Variants in FREM1 observed in about 807,000 individuals in gnomAD.
FREM1 encodes the protein FRAS1 related extracellular matrix 1, also known as FRAS1-related extracellular matrix protein 1.
Under a neutral mutation model 210.1 loss-of-function variants are expected in FREM1, and 220 were observed. The ratio of observed to expected loss-of-function variants is 1.05; its 90% CI spans 0.94 to 1.17. FREM1 has a LOEUF of 1.17. FREM1 is among the 50% of genes most tolerant of loss of function. The pLI is 0.00. For missense variants in FREM1, 3,454 were observed against 2,675.5 expected (o/e 1.29, Z -6.42); for synonymous variants, 1,189 against 980.2 (o/e 1.21, Z -3.98).
intron 2 of FREM1, among the ~76,000 whole-genome samples, chr9:14,867,177 C>T (rs1326824718): frequency 6.6e-6 from 1 of 152,098 alleles, no homozygotes; most frequent in Admixed American, 6.6e-5. Context: ...TCCTTTCGAC[C>T]CCAGTCCCTG....
intron 1 of FREM1, among the ~76,000 whole-genome samples, chr9:14,871,223 T>C (rs1044393956): frequency 1.3e-5 from 2 of 152,208 alleles, no homozygotes; most frequent in Admixed American, 6.5e-5. Flanking sequence ...CCCTGAAGAA[T>C]CACCACACTG....
At chr9:14,760,907 C>CA (rs34933596) in intron 27 of FREM1, among the ~76,000 whole-genome samples, 126,476 of 152,062 alleles carry the variant, frequency 0.83, 52,754 homozygotes, top group East Asian at 0.89. Flanking sequence ...AAGACACAAG[C>CA]AACCTTCACT....
intron 21 of FREM1, among the ~76,000 whole-genome samples, chr9:14,794,720 C>A (rs188893335): frequency 1.3e-5 from 2 of 152,046 alleles, no homozygotes; most frequent in Non-Finnish European, 2.9e-5. Flanking sequence ...GGAGATTGGG[C>A]CGGGCGCAGT....
intron 5 of FREM1, among the ~76,000 whole-genome samples, chr9:14,856,609 G>A (rs1162407204): frequency 6.6e-6 from 1 of 152,062 alleles, no homozygotes; most frequent in Non-Finnish European, 1.5e-5. Context: ...TGAGGCAGGT[G>A]GATCACGAGG....
intron 14 of FREM1, among the ~76,000 whole-genome samples, chr9:14,817,530 G>T (rs1259347177): frequency 6.6e-6 from 1 of 152,030 alleles, no homozygotes; most frequent in Non-Finnish European, 1.5e-5. Context: ...CTAATTATAG[G>T]CCCTCCACAT....
chr9:14,789,136 C>G (rs1464639425), intron 22 of FREM1, 22 bp from the exon 23 acceptor site: 1 of 1,520,602 alleles, frequency 6.6e-7, no homozygotes, highest in Non-Finnish European at 8.9e-7. Flanking sequence ...CAGAGTTAGT[C>G]AGCTGCTCAT....
At chr9:14,885,760 G>A (rs563845881) in intron 1 of FREM1, among the ~76,000 whole-genome samples, 6 of 152,272 alleles carry the variant, frequency 3.9e-5, no homozygotes, top group East Asian at 1.9e-4. Flanking sequence ...ATACACTGTT[G>A]TGTCATGATG....
intron 4 of FREM1, among the ~76,000 whole-genome samples, chr9:14,858,494 C>T (rs529765826): frequency 5.4e-5 from 8 of 147,774 alleles, no homozygotes; most frequent in African/African-American, 2.0e-4. Flanking sequence ...GCCACCATGC[C>T]CAGCCACCCA....
At chr9:14,820,925 C>A (rs1483735783) in intron 13 of FREM1, among the ~76,000 whole-genome samples, 2 of 152,072 alleles carry the variant, frequency 1.3e-5, no homozygotes, top group African/African-American at 4.8e-5. Context: ...AATTAGTATC[C>A]CAATATGGAA....
intron 1 of FREM1, among the ~76,000 whole-genome samples, chr9:14,899,733 G>C (rs565661436): frequency 6.6e-6 from 1 of 152,286 alleles, no homozygotes; most frequent in African/African-American, 2.4e-5. Context: ...AATTTGTCTA[G>C]AGGTAGAAAC....
chr9:14,805,229 T>TA lies in FREM1; in HGVS notation c.3275-78dup, dbSNP rs550588932. On this transcript the variant is annotated intron_variant, in intron 18 of 36. Transcript: ENST00000380880. ...TATTGGTCCTTAATCCTTAACCCAA[T>TA]AATAGTCAATTTCTCAGTAATACAA... The TA allele has an allele frequency of 3.3e-3, 2,440 of 735,332 alleles. 7 individuals carry two copies. Among genetic ancestry groups the TA allele is most frequent in the Non-Finnish European group, 4.1e-3 (1,907 of 465,168 alleles). 45.6% of individuals were successfully genotyped at this position (735,332 alleles called of 1,614,324 possible). A position where few individuals can be genotyped will look rare whatever the true frequency, so the allele number is the denominator to read the frequency against.
Position 14,824,027 on chromosome 9 carries a change from G to C in FREM1, c.2167C>G (p.Gln723Glu), listed in dbSNP as rs555543153. 1 of 1,579,652 alleles carries C rather than the reference G, an allele frequency of 6.3e-7. No individual in the cohort carries two copies. Among genetic ancestry groups the C allele is most frequent in the African/African-American group, 1.3e-5 (1 of 74,506 alleles). The change falls in exon 12 of 37, where the codon CAG becomes GAG. Residue 723 changes from glutamine to glutamate, a missense_variant and splice_region_variant. Transcript: ENST00000380880. ...PTALELRSFT[Q>E]HAVNYMKVAY... The stretch of plus-strand genomic sequence containing the variant: ...AGCATTTTAGCATATCCTCATACCT[G>C]AGTGAATGACCTCAGCTCCAGGGCC...
intron 10 of FREM1, among the ~76,000 whole-genome samples, chr9:14,827,432 A>G (rs1463111808): frequency 2.0e-5 from 3 of 152,208 alleles, no homozygotes; most frequent in African/African-American, 7.2e-5. Context: ...AACTAAGCAA[A>G]CAGTTGAGCA....
At position 14,801,674 on chromosome 9, in the gene FREM1, A is replaced by G; in HGVS notation, c.3672T>C (p.Phe1224=). Residue 1224 remains phenylalanine, a synonymous_variant, in exon 20 of 37, where the codon TTT becomes TTC. Coordinates refer to ENST00000380880, the MANE Select transcript of FREM1 (RefSeq NM_001379081.2). ...TACCAGTCTTGAGGAGTTCCATGGA[A>G]AAGCTGTGAACAGGTGCATGTTTCT... ...PHQKHAPVHS[F]SMELLKTGMR... 6.2e-7 allele frequency: 1 copy of G among 1,613,368 alleles called. No homozygotes were observed. Among genetic ancestry groups the G allele is most frequent in the Non-Finnish European group, 8.5e-7 (1 of 1,179,290 alleles).
At chr9:14,758,907 T>G (rs2132235537) in intron 28 of FREM1, among the ~76,000 whole-genome samples, 1 of 152,328 alleles carries the variant, frequency 6.6e-6, no homozygotes, top group South Asian at 2.1e-4. Flanking sequence ...AGGGTGCCTG[T>G]ATTAGTATAT....
chr9:14,821,934 G>A (rs993550914), intron 13 of FREM1, among the ~76,000 whole-genome samples: 2 of 152,146 alleles, frequency 1.3e-5, no homozygotes, highest in Non-Finnish European at 2.9e-5. Context: ...GTTTGGCCAT[G>A]TCCCTACCCA....
chr9:14,747,563 A>G, intron 32 of FREM1, 118 bp downstream of exon 32: 2 of 1,067,102 alleles, frequency 1.9e-6, no homozygotes, highest in African/African-American at 3.3e-5. Flanking sequence ...CCAAGCCTCT[A>G]ATTTCAAAAC....
chr9:14,841,047 G>C (rs915452959), intron 10 of FREM1, among the ~76,000 whole-genome samples: 1 of 152,142 alleles, frequency 6.6e-6, no homozygotes, highest in Non-Finnish European at 1.5e-5. Flanking sequence ...CTGTTTTACA[G>C]ACAAGGAAAC....
rs765288337 is a variant in FREM1 at position 14,801,688 on chromosome 9, G to A, written c.3658C>T (p.Pro1220Ser). 2.5e-6 allele frequency: 4 copies of A among 1,613,694 alleles called. No homozygotes were observed. In the African/African-American group the frequency reaches 4.0e-5, roughly 16 times the overall value. Residue 1220 changes from proline to serine, a missense_variant, in exon 20 of 37, where the codon CCT (proline) becomes TCT (serine). Transcript: ENST00000380880. Reference sequence around the variant, plus strand: ...AGTTCCATGGAAAAGCTGTGAACAGGTGCATGTTTCTGGTGAGGGTTGGCT... The same window carrying A: ...AGTTCCATGGAAAAGCTGTGAACAGATGCATGTTTCTGGTGAGGGTTGGCT... ...QPANPHQKHA[P>S]VHSFSMELLK...
Sources: gnomAD v4.1 joint callset for allele counts (sites outside exome capture counted in the v4.1 genomes callset) on GRCh38, gnomAD v4.1.1 for gene constraint, MANE v1.5 for transcripts, NCBI Gene and HGNC (gene_info 2026-07-23, HGNC 2026-07-21) for gene names.